Variants in CNTRL observed in about 807,000 individuals in gnomAD.
The protein encoded by CNTRL is 110 kDa centrosomal protein.
A neutral mutation model predicts 303.7 loss-of-function variants in CNTRL; 233 were observed. The observed-to-expected ratio is 0.77, with a 90% CI of 0.69 to 0.86. The LOEUF (loss-of-function observed/expected upper bound fraction) is 0.86, where lower values mean the gene tolerates loss of function less well. CNTRL is among the 40% of genes least tolerant of loss of function. The pLI is 0.00. For missense variants in CNTRL, 2,524 were observed against 2,650.6 expected, an observed-to-expected ratio of 0.95 and a Z score of 1.05; for synonymous variants, 900 against 922.2, an observed-to-expected ratio of 0.98 and a Z score of 0.44.
intron 2 of CNTRL, among the ~76,000 whole-genome samples, chr9:121,082,532 A>C (rs1299364917): frequency 6.6e-6 from 1 of 152,242 alleles, no homozygotes; most frequent in African/African-American, 2.4e-5. Flanking sequence ...CAATTTCATC[A>C]TTGTACAAAC....
At chr9:121,167,264 T>C (rs1057028078) in intron 36 of CNTRL, among the ~76,000 whole-genome samples, 4 of 151,424 alleles carry the variant, frequency 2.6e-5, no homozygotes, top group Non-Finnish European at 4.4e-5. Context: ...TGAGCCGAGA[T>C]CATGCCACTG....
At chr9:121,136,993 A>G (rs1244872296) in intron 15 of CNTRL, among the ~76,000 whole-genome samples, 1 of 152,160 alleles carries the variant, frequency 6.6e-6, no homozygotes, top group Non-Finnish European at 1.5e-5. Context: ...AAAGGAGTAA[A>G]GGTAAGGTAT....
chr9:121,106,350 A>C (rs1483700958), intron 7 of CNTRL, among the ~76,000 whole-genome samples: 5 of 152,028 alleles, frequency 3.3e-5, no homozygotes, highest in African/African-American at 7.2e-5. Flanking sequence ...AAAAAAAAAA[A>C]AAAAACCTAA....
At chr9:121,167,090 A>C (rs968517573) in intron 36 of CNTRL, among the ~76,000 whole-genome samples, 25 of 152,082 alleles carry the variant, frequency 1.6e-4, no homozygotes, top group Admixed American at 1.2e-3. Flanking sequence ...CAGGTGGATC[A>C]CTTGAGCCCA....
At chr9:121,171,667 T>G (rs569733945) in intron 40 of CNTRL, 119 bp downstream of exon 40, 4 of 1,051,286 alleles carry the variant, frequency 3.8e-6, no homozygotes, top group Non-Finnish European at 5.1e-6. Context: ...ATTATAAGAA[T>G]GTTCTTTAAG....
At chr9:121,156,048 T>C (rs2052550494) in intron 27 of CNTRL, among the ~76,000 whole-genome samples, 1 of 152,062 alleles carries the variant, frequency 6.6e-6, no homozygotes, top group Non-Finnish European at 1.5e-5. Context: ...TTGTCATATG[T>C]TGGATTACTG....
At chr9:121,150,646 C>A in intron 25 of CNTRL, 163 bp downstream of exon 25, 1 of 684,606 alleles carries the variant, frequency 1.5e-6, no homozygotes, top group South Asian at 2.0e-5. Flanking sequence ...TTAAAATTCT[C>A]TTATAAAAGC....
chr9:121,090,946 G>T (rs1037597299), intron 4 of CNTRL, among the ~76,000 whole-genome samples: 4 of 152,228 alleles, frequency 2.6e-5, no homozygotes, highest in Non-Finnish European at 4.4e-5. Context: ...AGAGGAGCAA[G>T]TCACGTCTTA....
At chr9:121,140,179 G>A (rs941759369) in intron 16 of CNTRL, among the ~76,000 whole-genome samples, 3 of 152,308 alleles carry the variant, frequency 2.0e-5, no homozygotes, top group African/African-American at 7.2e-5. Context: ...ATGTGGCCCA[G>A]CATAGACCCC....
intron 32 of CNTRL, 23 bp downstream of exon 32, chr9:121,160,325 A>T (rs200202985): frequency 2.8e-6 from 4 of 1,436,552 alleles, no homozygotes; most frequent in East Asian, 5.2e-5. Flanking sequence ...GAAAACAATC[A>T]TACAAAGTTT....
At chr9:121,144,675 C>G (rs1387342482) in intron 20 of CNTRL, among the ~76,000 whole-genome samples, 168 bp from the exon 21 acceptor site, 1 of 152,214 alleles carries the variant, frequency 6.6e-6, no homozygotes, top group Admixed American at 6.5e-5. Flanking sequence ...GCTGGGCAGG[C>G]TGCCCAACAA....
Position 121,177,232 on chromosome 9 carries a change from A to G in CNTRL, c.*46A>G, listed in dbSNP as rs1272563738. 2 of 1,480,384 alleles carry G rather than the reference A, an allele frequency of 1.4e-6. No individual in the cohort carries two copies. Among genetic ancestry groups the G allele is most frequent in the Non-Finnish European group, 1.9e-6 (2 of 1,065,860 alleles). The allele number at this position is 1,480,384 out of a possible 1,614,324, so 91.7% of individuals were successfully genotyped here. ...TATATTCAAGGAAAACACCTCCACT[A>G]CCTCACTGACTTCATAATTGGAATG... On this transcript the variant is annotated 3_prime_UTR_variant, in exon 44 of 44. Coordinates refer to ENST00000373855, the MANE Select transcript of CNTRL (RefSeq NM_007018.6).
chr9:121,149,738 T>C (rs1356236969), intron 24 of CNTRL, among the ~76,000 whole-genome samples: 1 of 152,178 alleles, frequency 6.6e-6, no homozygotes, highest in Non-Finnish European at 1.5e-5. Flanking sequence ...TGCTGTGTGC[T>C]AGGTTCTCTG....
intron 1 of CNTRL, among the ~76,000 whole-genome samples, chr9:121,075,980 G>T (rs1024035340): frequency 1.3e-5 from 2 of 152,148 alleles, no homozygotes; most frequent in African/African-American, 4.8e-5. Context: ...TAATAATTCT[G>T]ATCCTATACA....
At chr9:121,130,716 G>T (rs2050805314) in intron 14 of CNTRL, among the ~76,000 whole-genome samples, 1 of 152,122 alleles carries the variant, frequency 6.6e-6, no homozygotes, top group Admixed American at 6.6e-5. Flanking sequence ...TCTTTTAGTT[G>T]TGTTGTTAGG....
At chr9:121,169,916 C>T (rs2053237739) in intron 39 of CNTRL, 100 bp downstream of exon 39, 2 of 965,580 alleles carry the variant, frequency 2.1e-6, no homozygotes. Context: ...TACCCATCAA[C>T]CCAGTCCTGA....
intron 14 of CNTRL, among the ~76,000 whole-genome samples, chr9:121,133,661 A>T (rs566159010): frequency 3.3e-5 from 5 of 152,342 alleles, no homozygotes; most frequent in East Asian, 3.9e-4. Flanking sequence ...GGCTGCACCC[A>T]CTGTCCAATC....
chr9:121,125,691 A>T, intron 13 of CNTRL, 25 bp from the exon 14 acceptor site: 1 of 1,592,936 alleles, frequency 6.3e-7, no homozygotes, highest in Non-Finnish European at 8.6e-7. Context: ...AAGATATATT[A>T]TTACCCTTTT....
intron 7 of CNTRL, 76 bp from the exon 8 acceptor site, chr9:121,107,726 T>G: frequency 1.1e-6 from 1 of 952,308 alleles, no homozygotes; most frequent in Non-Finnish European, 1.5e-6. Flanking sequence ...TTTTTCACTA[T>G]TGTTTGAGAA....
Sources: gnomAD v4.1 joint callset for allele counts (sites outside exome capture counted in the v4.1 genomes callset) on GRCh38, gnomAD v4.1.1 for gene constraint, MANE v1.5 for transcripts, NCBI Gene and HGNC (gene_info 2026-07-23, HGNC 2026-07-21) for gene names.